Variants in COL4A6 observed in about 807,000 individuals in gnomAD.
COL4A6 encodes the protein collagen alpha-6(IV) chain.
In COL4A6, 59 loss-of-function variants were observed where a neutral mutation model predicts 126.7. The observed-to-expected ratio is 0.47, with a 90% CI of 0.38 to 0.58. COL4A6 has a LOEUF of 0.58. Among genes scored for constraint, COL4A6 ranks in the 20% least tolerant of loss-of-function variants. COL4A6 has a pLI of 0.00. For synonymous variants in COL4A6, 547 were observed against 496.6 expected (o/e 1.10, Z -1.35); for missense variants, 1,285 against 1,337.3 (o/e 0.96, Z 0.61).
chrX:108,432,593 T>G (rs983233590), intron 2 of COL4A6, among the ~76,000 whole-genome samples: 4 of 111,698 alleles, frequency 3.6e-5, no homozygotes, highest in African/African-American at 1.3e-4. Context: ...CCCAGCACTT[T>G]GGGAGGCCGA....
Position 108,160,721 on chromosome X carries a change from T to C in COL4A6, c.4334-67A>G, listed in dbSNP as rs183966493. 5.7e-4 allele frequency: 552 copies of C among 968,778 alleles called. 4 individuals carry two copies. In the African/African-American group the frequency reaches 9.7e-3, roughly 17 times the overall value. The allele number at this position is 968,778 out of a possible 1,213,427, so 79.8% of individuals were successfully genotyped here. A position where few individuals can be genotyped will look rare whatever the true frequency, so the allele number is the denominator to read the frequency against. On this transcript the variant is annotated intron_variant, in intron 42 of 44. Coordinates refer to ENST00000334504, the MANE Select transcript of COL4A6 (RefSeq NM_033641.4). ...ATGACAACATCAGCTACTCACATTGTACCACACATTGTCCAAGGCATGTTA... is the reference window on the plus strand; with the variant it reads ...ATGACAACATCAGCTACTCACATTGCACCACACATTGTCCAAGGCATGTTA...
chrX:108,169,864 C>T, intron 36 of COL4A6, 81 bp downstream of exon 36: 1 of 956,172 alleles, frequency 1.0e-6, no homozygotes, highest in Non-Finnish European at 1.5e-6. Flanking sequence ...GGATACACCA[C>T]AGTCGAGAAT....
rs757380854 is a variant in COL4A6 at position 108,242,322 on chromosome X, C to T, written c.145-20948G>A. On this transcript the variant is annotated intron_variant, in intron 3 of 44. Transcript: ENST00000334504. ...AAGTACATTTACACTGTTGTACAAC[C>T]GTCTCCACCATCCATTGCCAGATCT... is the stretch of plus-strand genomic sequence containing the variant. Among the ~76,000 whole-genome samples the T allele has an allele frequency of 2.7e-5, 3 of 111,480 alleles. No individual in the cohort carries two copies. The Admixed American group carries it at 2.9e-4, about 11-fold the overall frequency.
rs2035429697 is a variant in COL4A6, at chrX:108,202,963, C to G, written c.799G>C (p.Gly267Arg). Reference sequence around the variant, plus strand: ...GGAGGGCCACTTATGCCTGGAAAACCCTTAGGCCCTGGTTCACCCTGGAAA... The same window carrying G: ...GGAGGGCCACTTATGCCTGGAAAACGCTTAGGCCCTGGTTCACCCTGGAAA... ...KGSKGEPGPK[G>R]FPGISGPPGF... Residue 267 changes from glycine to arginine, a missense_variant, in exon 13 of 45, where the codon GGT becomes CGT. Physicochemically the swap from Gly to Arg is moderately radical, Grantham distance 125. Transcript: ENST00000334504. 1 of 1,210,204 alleles carries G rather than the reference C, an allele frequency of 8.3e-7. No individual in the cohort carries two copies. Among genetic ancestry groups the G allele is most frequent in the Non-Finnish European group, 1.1e-6 (1 of 894,490 alleles).
chrX:108,215,854 C>T (rs1388835554), intron 5 of COL4A6, among the ~76,000 whole-genome samples: 1 of 111,299 alleles, frequency 9.0e-6, no homozygotes, highest in African/African-American at 3.3e-5. Flanking sequence ...ATCTTTCCCA[C>T]ATCTGTTAAA....
At chrX:108,294,006 C>T (rs1249765029) in intron 3 of COL4A6, among the ~76,000 whole-genome samples, 3 of 112,339 alleles carry the variant, frequency 2.7e-5, no homozygotes, top group African/African-American at 9.7e-5. Context: ...ATTCTATCCA[C>T]TCACTGATGC....
chrX:108,380,027 T>A lies in COL4A6; in HGVS notation c.63+57915A>T, dbSNP rs147390050. On this transcript the variant is annotated intron_variant, in intron 2 of 44. Transcript: ENST00000334504. ...ATAATTCCAAGAATCTGCTAAATAA[T>A]CCAACATGCTAAAGAGTCAGCATAG... 5.1e-3 allele frequency among the ~76,000 whole-genome samples: 565 copies of A among 111,731 alleles called. 2 individuals carry two copies. Among genetic ancestry groups the A allele is most frequent in the African/African-American group, 0.018 (547 of 30,728 alleles).
intron 2 of COL4A6, among the ~76,000 whole-genome samples, chrX:108,406,677 C>T (rs763064791): frequency 1.2e-3 from 130 of 112,057 alleles, no homozygotes; most frequent in Non-Finnish European, 2.0e-3. Flanking sequence ...TCCTCAATGC[C>T]GCAACCTATG....
intron 43 of COL4A6, chrX:108,160,005 G>A (rs762503639): frequency 6.5e-5 from 28 of 430,836 alleles, no homozygotes; most frequent in Admixed American, 1.4e-4. Context: ...AAGAAACAGC[G>A]TTTAATAGAC....
intron 3 of COL4A6, among the ~76,000 whole-genome samples, chrX:108,227,593 T>G (rs2036203664): frequency 9.0e-6 from 1 of 111,429 alleles, no homozygotes; most frequent in Non-Finnish European, 1.9e-5. Flanking sequence ...ATCAAAGATT[T>G]TCTGATTACC....
At chrX:108,264,067 G>A (rs992769162) in intron 3 of COL4A6, among the ~76,000 whole-genome samples, 10 of 111,035 alleles carry the variant, frequency 9.0e-5, no homozygotes, top group African/African-American at 2.6e-4. Context: ...GTCCTTCCTG[G>A]GTTTTGTTTC....
intron 2 of COL4A6, among the ~76,000 whole-genome samples, chrX:108,397,690 A>C (rs1210810684): frequency 9.1e-6 from 1 of 110,331 alleles, no homozygotes; most frequent in Non-Finnish European, 1.9e-5. Flanking sequence ...TGATGTAATC[A>C]TATCACAAAG....
chrX:108,297,490 A>G (rs1464657204), intron 3 of COL4A6, among the ~76,000 whole-genome samples: 1 of 111,241 alleles, frequency 9.0e-6, no homozygotes, highest in Non-Finnish European at 1.9e-5. Context: ...AGATGCCAGT[A>G]TGACCCCACC....
At chrX:108,334,908 T>A (rs181962576) in intron 2 of COL4A6, among the ~76,000 whole-genome samples, 18 of 111,770 alleles carry the variant, frequency 1.6e-4, no homozygotes, top group African/African-American at 5.2e-4. Context: ...TTAACTCCTT[T>A]CACTGTCATT....
intron 2 of COL4A6, among the ~76,000 whole-genome samples, chrX:108,313,935 T>C (rs921423770): frequency 2.7e-5 from 3 of 111,859 alleles, no homozygotes; most frequent in African/African-American, 9.8e-5. Context: ...AAACAACTCA[T>C]GGTGATGATC....
chrX:108,200,303 G>A (rs967073188), intron 13 of COL4A6, among the ~76,000 whole-genome samples: 1 of 112,203 alleles, frequency 8.9e-6, no homozygotes, highest in Non-Finnish European at 1.9e-5. Flanking sequence ...AAATGTTACT[G>A]AGATATTCTA....
chrX:108,254,734 G>T (rs1450955797), intron 3 of COL4A6, among the ~76,000 whole-genome samples: 4 of 110,571 alleles, frequency 3.6e-5, no homozygotes, highest in Non-Finnish European at 5.7e-5. Context: ...ATCAATAGAT[G>T]TGGTGATACC....
intron 2 of COL4A6, among the ~76,000 whole-genome samples, chrX:108,390,777 C>T (rs992889514): frequency 4.5e-5 from 5 of 110,392 alleles, no homozygotes; most frequent in African/African-American, 6.6e-5. Context: ...TCCTTGCTGG[C>T]GAGGCATTGT....
At chrX:108,180,652 A>T in intron 24 of COL4A6, 30 bp from the exon 25 acceptor site, 1 of 1,083,179 alleles carries the variant, frequency 9.2e-7, no homozygotes, top group Non-Finnish European at 1.3e-6. Flanking sequence ...CAATGAGGGG[A>T]AAGGAAAGTC....
Sources: allele counts gnomAD v4.1 joint callset (sites outside exome capture counted in the v4.1 genomes callset), GRCh38; gene constraint gnomAD v4.1.1; transcripts MANE v1.5; gene names NCBI Gene and HGNC (gene_info 2026-07-23, HGNC 2026-07-21).